The following PTPRD variants were observed in gnomAD, a reference collection of about 807,000 sequenced individuals.
PTPRD encodes receptor-type tyrosine-protein phosphatase delta.
A neutral mutation model predicts 214.5 loss-of-function variants in PTPRD; 34 were observed. The observed-to-expected ratio is 0.16, with a 90% CI of 0.12 to 0.21. The LOEUF (loss-of-function observed/expected upper bound fraction) is 0.21. PTPRD is among the 10% of genes least tolerant of loss of function. The pLI is 1.00. For synonymous variants in PTPRD, 1,128 were observed against 845.7 expected, an observed-to-expected ratio of 1.33 and a Z score of -5.79; for missense variants, 2,545 against 2,398.7, an observed-to-expected ratio of 1.06 and a Z score of -1.27.
chr9:9,405,183 T>C (rs558835109), intron 8 of PTPRD, among the ~76,000 whole-genome samples: 7 of 152,224 alleles, frequency 4.6e-5, no homozygotes, highest in Admixed American at 1.3e-4. Context: ...AATTATGATA[T>C]TGATTTTCTC....
At chr9:8,891,532 A>T (rs982277930) in intron 11 of PTPRD, among the ~76,000 whole-genome samples, 5 of 151,922 alleles carry the variant, frequency 3.3e-5, no homozygotes, top group African/African-American at 7.3e-5. Context: ...GCCATTTGTT[A>T]TATGCACAAG....
intron 9 of PTPRD, among the ~76,000 whole-genome samples, chr9:9,339,986 G>T (rs1002662162): frequency 2.0e-5 from 3 of 152,192 alleles, no homozygotes; most frequent in African/African-American, 7.2e-5. Context: ...CTTTAATTGG[G>T]TAGGCTGTAT....
chr9:9,282,154 C>G (rs1402686534), intron 9 of PTPRD, among the ~76,000 whole-genome samples: 1 of 151,186 alleles, frequency 6.6e-6, no homozygotes, highest in Admixed American at 6.6e-5. Flanking sequence ...TGAAACTACC[C>G]TATATGAGAC....
At chr9:9,972,712 G>A (rs1374925554) in intron 4 of PTPRD, among the ~76,000 whole-genome samples, 1 of 152,152 alleles carries the variant, frequency 6.6e-6, no homozygotes, top group Non-Finnish European at 1.5e-5. Flanking sequence ...TGAGGGGACA[G>A]TCCATTTCCT....
chr9:9,934,112 C>G (rs1294314274), intron 5 of PTPRD, among the ~76,000 whole-genome samples: 1 of 149,534 alleles, frequency 6.7e-6, no homozygotes. Context: ...ACTAAACGCC[C>G]ACAAGAGAAA....
intron 3 of PTPRD, among the ~76,000 whole-genome samples, chr9:10,219,349 C>T (rs967865512): frequency 1.3e-5 from 2 of 151,844 alleles, no homozygotes. Flanking sequence ...CTGCTCCACA[C>T]CTGCTCTTAC....
intron 21 of PTPRD, among the ~76,000 whole-genome samples, chr9:8,509,595 T>C (rs1214263705): frequency 1.3e-5 from 2 of 152,244 alleles, no homozygotes; most frequent in African/African-American, 4.8e-5. Flanking sequence ...CTTCCCTGCC[T>C]AATGCTAATA....
At chr9:9,777,596 C>A (rs1036011060) in intron 5 of PTPRD, among the ~76,000 whole-genome samples, 1 of 151,940 alleles carries the variant, frequency 6.6e-6, no homozygotes, top group African/African-American at 2.4e-5. Context: ...TACTCAAGAG[C>A]CGGAGGTGGG....
chr9:10,288,156 G>T (rs1210623727), intron 3 of PTPRD, among the ~76,000 whole-genome samples: 1 of 101,960 alleles, frequency 9.8e-6, no homozygotes, highest in East Asian at 3.5e-4. Context: ...AGAAAAAATT[G>T]GGGGTGGGGG....
intron 11 of PTPRD, among the ~76,000 whole-genome samples, chr9:8,799,112 T>C (rs1388566030): frequency 1.3e-5 from 2 of 152,208 alleles, no homozygotes; most frequent in Non-Finnish European, 2.9e-5. Context: ...TATAATACTC[T>C]TTATCTACAT....
chr9:10,212,459 G>T (rs1017103868), intron 3 of PTPRD, among the ~76,000 whole-genome samples: 2 of 152,056 alleles, frequency 1.3e-5, no homozygotes, highest in African/African-American at 4.8e-5. Context: ...CAATATTAAA[G>T]ATGAAATTTC....
rs567280340 is a variant in PTPRD at position 10,537,412 on chromosome 9, T to C, written c.-600+74986A>G. ...TTTTTGCTGCTGTTAATTTGTGTTG[T>C]ACTTATTTTTATAATGTGAGATCGA... On this transcript the variant is annotated intron_variant, in intron 2 of 45. Transcript: ENST00000381196. Among the ~76,000 whole-genome samples, 3 of 152,296 alleles carry C rather than the reference T, an allele frequency of 2.0e-5. No homozygotes were observed. In the South Asian group the frequency reaches 6.2e-4, roughly 32 times the overall value.
intron 10 of PTPRD, among the ~76,000 whole-genome samples, chr9:9,175,204 T>G (rs941203647): frequency 2.2e-4 from 33 of 152,174 alleles, no homozygotes; most frequent in Non-Finnish European, 4.7e-4. Flanking sequence ...TAAGACAAGA[T>G]TTTTCTAAAA....
At chr9:10,515,893 T>C (rs2049928385) in intron 2 of PTPRD, among the ~76,000 whole-genome samples, 1 of 151,960 alleles carries the variant, frequency 6.6e-6, no homozygotes, top group African/African-American at 2.4e-5. Context: ...TCATCCATGT[T>C]GTCACATATG....
chr9:8,748,273 C>T (rs986264890), intron 11 of PTPRD, among the ~76,000 whole-genome samples: 2 of 152,008 alleles, frequency 1.3e-5, no homozygotes, highest in Non-Finnish European at 2.9e-5. Flanking sequence ...CTGCATCCAC[C>T]TTTAAACACG....
chr9:9,386,930 A>C (rs887121381), intron 9 of PTPRD, among the ~76,000 whole-genome samples: 4 of 152,204 alleles, frequency 2.6e-5, no homozygotes, highest in Non-Finnish European at 2.9e-5. Context: ...GAAATGAAAC[A>C]ACCCTTTATG....
intron 3 of PTPRD, among the ~76,000 whole-genome samples, chr9:10,069,626 A>G (rs1271708350): frequency 1.3e-5 from 2 of 152,042 alleles, no homozygotes; most frequent in African/African-American, 2.4e-5. Flanking sequence ...ACTCAACATA[A>G]TTAGCCACTG....
At chr9:9,422,221 A>G (rs2079080003) in intron 8 of PTPRD, among the ~76,000 whole-genome samples, 1 of 152,152 alleles carries the variant, frequency 6.6e-6, no homozygotes. Flanking sequence ...AAGCTGAGAC[A>G]CGAAGGGCAC....
At chr9:9,379,764 T>C (rs776310397) in intron 9 of PTPRD, among the ~76,000 whole-genome samples, 93 of 152,050 alleles carry the variant, frequency 6.1e-4, no homozygotes, top group Non-Finnish European at 1.1e-3. Context: ...GTTAGATTTC[T>C]ACCTACTGTT....
Sources: gnomAD v4.1 joint callset for allele counts (sites outside exome capture counted in the v4.1 genomes callset) on GRCh38, gnomAD v4.1.1 for gene constraint, MANE v1.5 for transcripts, NCBI Gene and HGNC (gene_info 2026-07-23, HGNC 2026-07-21) for gene names.